PLCH1: variants seen among roughly 807,000 people sequenced by gnomAD.
The protein encoded by PLCH1 is 1-phosphatidylinositol 4,5-bisphosphate phosphodiesterase eta-1.
Under a neutral mutation model 126.7 loss-of-function variants are expected in PLCH1, and 60 were observed. The ratio of observed to expected loss-of-function variants is 0.47; its 90% confidence interval spans 0.38 to 0.59. The LOEUF is 0.59. Among genes scored for constraint, PLCH1 ranks in the 20% least tolerant of loss-of-function variants. The pLI is 0.00. For synonymous variants in PLCH1, 719 were observed against 734.9 expected (o/e 0.98, Z 0.35); for missense variants, 1,723 against 2,040.0 (o/e 0.84, Z 2.99).
chr3:155,512,439 T>C (rs1188446821), intron 12 of PLCH1, among the ~76,000 whole-genome samples: 3 of 152,112 alleles, frequency 2.0e-5, no homozygotes, highest in Non-Finnish European at 4.4e-5. Context: ...AAGACTATAA[T>C]GGGGAAAGCT....
chr3:155,624,001 A>G (rs1467915576), intron 2 of PLCH1, among the ~76,000 whole-genome samples: 1 of 152,236 alleles, frequency 6.6e-6, no homozygotes, highest in African/African-American at 2.4e-5. Flanking sequence ...AACACCTTCA[A>G]TAAAATACTG....
At chr3:155,462,820 G>C (rs1712778461) in intron 21 of PLCH1, among the ~76,000 whole-genome samples, 3 of 152,162 alleles carry the variant, frequency 2.0e-5, no homozygotes, top group Admixed American at 1.3e-4. Flanking sequence ...TGCAGCCCCA[G>C]CTGGCATGGA....
intron 21 of PLCH1, among the ~76,000 whole-genome samples, chr3:155,474,131 G>A (rs1372010506): frequency 1.3e-5 from 2 of 152,122 alleles, no homozygotes; most frequent in African/African-American, 4.8e-5. Context: ...CCATCAGAGT[G>A]AACAGGCAAC....
chr3:155,523,168 G>A (rs1472459383), intron 11 of PLCH1, among the ~76,000 whole-genome samples: 3 of 147,620 alleles, frequency 2.0e-5, no homozygotes, highest in Non-Finnish European at 4.4e-5. Context: ...AGTAGAGACG[G>A]GGTTTCACCA....
intron 2 of PLCH1, among the ~76,000 whole-genome samples, chr3:155,634,553 C>T (rs1738492973): frequency 6.6e-6 from 1 of 152,142 alleles, no homozygotes; most frequent in African/African-American, 2.4e-5. Context: ...TAAATGAAGA[C>T]TGAAGGATCC....
At chr3:155,615,538 T>C (rs1043923613) in intron 2 of PLCH1, among the ~76,000 whole-genome samples, 11 of 152,094 alleles carry the variant, frequency 7.2e-5, no homozygotes, top group Non-Finnish European at 1.3e-4. Flanking sequence ...CCAGCCCAAA[T>C]GCCCATCAAC....
intron 10 of PLCH1, among the ~76,000 whole-genome samples, chr3:155,526,483 C>CA (rs61315422): frequency 0.18 from 19,546 of 107,742 alleles, 1,402 homozygotes; most frequent in Non-Finnish European, 0.21. Flanking sequence ...CTTTCTCTCT[C>CA]TCTCATACAC....
Position 155,485,620 on chromosome 3 carries a change from A to T in PLCH1, c.2710T>A (p.Ser904Thr), listed in dbSNP as rs747516333. 11 of 1,613,194 alleles carry T rather than the reference A, an allele frequency of 6.8e-6. No individual in the cohort carries two copies. The highest frequency in any genetic ancestry group is 9.3e-6 in the Non-Finnish European group (11 of 1,179,994). ...ENNSHYVRKR[S>T]IGDRILRRTA... is the part of the protein sequence containing the mutation. ...CGTCGCAGAATTCTATCTCCAATGG[A>T]TCGCTTCCGTACATAATGGGAATTG... is the stretch of plus-strand genomic sequence containing the variant. The change falls in exon 22 of 23, where the codon TCC (serine) becomes ACC (threonine). Residue 904 changes from serine to threonine, a missense_variant. Physicochemically the swap from Ser to Thr is moderately conservative, Grantham distance 58. Coordinates refer to ENST00000460012, the MANE Select transcript of PLCH1 (RefSeq NM_014996.4).
intron 2 of PLCH1, among the ~76,000 whole-genome samples, chr3:155,673,826 TG>T (rs1743804673): frequency 6.6e-6 from 1 of 152,190 alleles, no homozygotes; most frequent in Non-Finnish European, 1.5e-5. Context: ...TACTAGGCCA[TG>T]GGGGAAATTA....
intron 6 of PLCH1, among the ~76,000 whole-genome samples, chr3:155,573,279 GGGCTAT>G (rs1171370116): frequency 1.3e-5 from 2 of 152,282 alleles, no homozygotes; most frequent in Admixed American, 6.5e-5. Flanking sequence ...TATTGGAAGA[GGGCTAT>G]GGTTTTCACA....
chr3:155,691,198 T>A (rs905256921), intron 2 of PLCH1, among the ~76,000 whole-genome samples: 9 of 152,222 alleles, frequency 5.9e-5, no homozygotes, highest in African/African-American at 2.2e-4. Flanking sequence ...AATCTAACAA[T>A]GTGACTTGTG....
intron 2 of PLCH1, among the ~76,000 whole-genome samples, chr3:155,625,690 A>C (rs1737150702): frequency 6.6e-6 from 1 of 152,254 alleles, no homozygotes; most frequent in Non-Finnish European, 1.5e-5. Flanking sequence ...ATCTCATGCC[A>C]GTTAGAATGG....
chr3:155,484,349 C>T (rs1275496548), intron 22 of PLCH1, among the ~76,000 whole-genome samples: 1 of 152,196 alleles, frequency 6.6e-6, no homozygotes, highest in African/African-American at 2.4e-5. Flanking sequence ...TTTATCTCTT[C>T]TCTGACACTG....
At chr3:155,567,924 G>A (rs497397) in intron 7 of PLCH1, among the ~76,000 whole-genome samples, 74,876 of 151,936 alleles carry the variant, frequency 0.49, 21,514 homozygotes, top group Non-Finnish European at 0.65. Flanking sequence ...AAATTATCAG[G>A]CTAATTTCCA....
chr3:155,479,372 G>C (rs575874131), downstream of PLCH1, among the ~76,000 whole-genome samples: 5 of 152,226 alleles, frequency 3.3e-5, no homozygotes, highest in Non-Finnish European at 7.4e-5. Context: ...CCCCCAACCA[G>C]ACTCCCAGTG....
intron 2 of PLCH1, among the ~76,000 whole-genome samples, chr3:155,609,428 G>C (rs1182363842): frequency 6.6e-6 from 1 of 152,110 alleles, no homozygotes; most frequent in Non-Finnish European, 1.5e-5. Context: ...CAATGAAATA[G>C]TCTACCCAAA....
chr3:155,687,270 T>C (rs1041406036), intron 2 of PLCH1, among the ~76,000 whole-genome samples: 1 of 152,148 alleles, frequency 6.6e-6, no homozygotes, highest in Admixed American at 6.5e-5. Context: ...GCTTCAATAG[T>C]CCTCCTCATT....
chr3:155,670,446 C>A (rs1022557656), intron 2 of PLCH1, among the ~76,000 whole-genome samples: 4 of 152,128 alleles, frequency 2.6e-5, no homozygotes, highest in African/African-American at 4.8e-5. Context: ...TTATGTAACA[C>A]ACATATGCAA....
In PLCH1 at chr3:155,618,063, C is replaced by T. The variant is rs149463370; in HGVS notation, c.80-21685G>A. Among the ~76,000 whole-genome samples, 983 of 152,186 alleles carry T rather than the reference C, an allele frequency of 6.5e-3. 15 individuals carry two copies. The highest frequency in any genetic ancestry group is 0.022 in the African/African-American group (929 of 41,532). On this transcript the variant is annotated intron_variant, in intron 2 of 22. Transcript: ENST00000460012. ...AGAGCTTATATGACAAATAATTATT[C>T]TTGTTGCATTTTATATAACTAATCA...
Sources: gnomAD v4.1 joint callset for allele counts (sites outside exome capture counted in the v4.1 genomes callset) on GRCh38, gnomAD v4.1.1 for gene constraint, MANE v1.5 for transcripts, NCBI Gene and HGNC (gene_info 2026-07-23, HGNC 2026-07-21) for gene names.